Variants in LRRC7 observed in about 807,000 individuals in gnomAD.
The protein encoded by LRRC7 is leucine-rich repeat-containing protein 7.
A neutral mutation model predicts 175.7 loss-of-function variants in LRRC7; 23 were observed. That is an observed-to-expected ratio of 0.13 (90% CI 0.09 to 0.19). LRRC7 has a LOEUF of 0.19. LRRC7 is among the 10% of genes least tolerant of loss of function. LRRC7 has a pLI of 1.00. For synonymous variants in LRRC7, 685 were observed against 680.9 expected, an observed-to-expected ratio of 1.01 and a Z score of -0.09; for missense variants, 1,354 against 1,904.7, an observed-to-expected ratio of 0.71 and a Z score of 5.38.
intron 7 of LRRC7, among the ~76,000 whole-genome samples, chr1:69,903,990 T>C (rs1646217984): frequency 6.6e-6 from 1 of 151,860 alleles, no homozygotes; most frequent in South Asian, 2.1e-4. Context: ...AATAACAAGC[T>C]CTGAAATTGA....
At chr1:69,797,822 T>C (rs528150952) in intron 4 of LRRC7, among the ~76,000 whole-genome samples, 1 of 152,324 alleles carries the variant, frequency 6.6e-6, no homozygotes, top group Admixed American at 6.5e-5. Context: ...GTAGAGTTCC[T>C]AACACAGAAT....
At chr1:70,066,718 A>G (rs1451935192) in intron 23 of LRRC7, among the ~76,000 whole-genome samples, 1 of 152,088 alleles carries the variant, frequency 6.6e-6, no homozygotes, top group Non-Finnish European at 1.5e-5. Flanking sequence ...TGTGAACCTA[A>G]GTCTTCATAA....
At chr1:69,870,611 T>A (rs1464629413) in intron 7 of LRRC7, among the ~76,000 whole-genome samples, 1 of 152,170 alleles carries the variant, frequency 6.6e-6, no homozygotes, top group African/African-American at 2.4e-5. Context: ...TTTAAAGTTT[T>A]AATAAATGTA....
intron 1 of LRRC7, among the ~76,000 whole-genome samples, chr1:69,587,093 AG>A (rs1306304827): frequency 6.6e-6 from 1 of 152,204 alleles, no homozygotes; most frequent in Non-Finnish European, 1.5e-5. Flanking sequence ...GTATGCAAGT[AG>A]TAAAATGTGG....
In LRRC7 at chr1:69,875,305, C is replaced by T. The variant is rs575707161; in HGVS notation, c.647+37022C>T. The stretch of plus-strand genomic sequence containing the variant: ...AGTGTGCAGACTGTTGAATAATTAA[C>T]CTTACTGCAGTAAACCATGTTGCCT... On this transcript the variant is annotated intron_variant, in intron 7 of 26. Transcript: ENST00000651989. Among the ~76,000 whole-genome samples the T allele has an allele frequency of 9.2e-5, 14 of 152,074 alleles. No homozygotes were observed. In the South Asian group the frequency reaches 2.7e-3, roughly 29 times the overall value.
chr1:69,683,915 A>G (rs1660802550), intron 2 of LRRC7, among the ~76,000 whole-genome samples: 2 of 152,294 alleles, frequency 1.3e-5, no homozygotes, highest in South Asian at 2.1e-4. Context: ...TACAAAGGAA[A>G]GATGATGAAA....
chr1:69,696,713 G>A (rs772182972), intron 2 of LRRC7, among the ~76,000 whole-genome samples: 17 of 152,134 alleles, frequency 1.1e-4, no homozygotes, highest in Non-Finnish European at 2.2e-4. Flanking sequence ...GTGATAATGC[G>A]TGAGTTCCTG....
intron 8 of LRRC7, among the ~76,000 whole-genome samples, chr1:69,964,167 G>T (rs12032805): frequency 0.062 from 9,386 of 152,150 alleles, 282 homozygotes; most frequent in South Asian, 0.11. Context: ...CATTCGTTTG[G>T]TTTTTTATGC....
intron 2 of LRRC7, among the ~76,000 whole-genome samples, chr1:69,692,274 T>G (rs572675570): frequency 1.4e-4 from 22 of 152,314 alleles, no homozygotes; most frequent in African/African-American, 4.3e-4. Flanking sequence ...CCAGTATTTA[T>G]TAACTGGGTA....
intron 26 of LRRC7, 139 bp downstream of exon 26, chr1:70,107,965 C>A: frequency 1.3e-6 from 1 of 758,206 alleles, no homozygotes; most frequent in Non-Finnish European, 2.2e-6. Context: ...TATTTTGGGG[C>A]TGAAAGTCAA....
intron 7 of LRRC7, among the ~76,000 whole-genome samples, chr1:69,865,697 G>A (rs1684871851): frequency 6.6e-6 from 1 of 151,742 alleles, no homozygotes; most frequent in Non-Finnish European, 1.5e-5. Context: ...AGCCAGGATA[G>A]TCTTGATCTC....
At chr1:70,002,476 T>A (rs545318898) in intron 11 of LRRC7, among the ~76,000 whole-genome samples, 322 of 152,360 alleles carry the variant, frequency 2.1e-3, no homozygotes, top group East Asian at 4.8e-3. Flanking sequence ...AGTCTCATGT[T>A]TATCTTTTGT....
At chr1:69,846,820 G>A (rs1350940993) in intron 7 of LRRC7, among the ~76,000 whole-genome samples, 1 of 151,910 alleles carries the variant, frequency 6.6e-6, no homozygotes, top group Non-Finnish European at 1.5e-5. Flanking sequence ...CTGGGTGTGT[G>A]CAAGAAAAGA....
At chr1:70,057,584 G>T (rs1661247468) in intron 23 of LRRC7, among the ~76,000 whole-genome samples, 1 of 151,916 alleles carries the variant, frequency 6.6e-6, no homozygotes, top group Non-Finnish European at 1.5e-5. Flanking sequence ...ATTTCTCCAA[G>T]CCTCTGTAGA....
At chr1:69,874,965 G>T (rs924792946) in intron 7 of LRRC7, 4 of 151,942 alleles carry the variant, frequency 2.6e-5, no homozygotes, top group Non-Finnish European at 5.9e-5. Context: ...AAATTAAAAG[G>T]TATATTGCTA....
chr1:69,736,652 A>C (rs763601583), intron 2 of LRRC7, among the ~76,000 whole-genome samples: 1 of 152,102 alleles, frequency 6.6e-6, no homozygotes, highest in Non-Finnish European at 1.5e-5. Context: ...GAATAAATAC[A>C]GTTTTTATAG....
At chr1:69,698,018 C>T (rs1413458101) in intron 2 of LRRC7, among the ~76,000 whole-genome samples, 2 of 152,164 alleles carry the variant, frequency 1.3e-5, no homozygotes, top group East Asian at 3.9e-4. Context: ...GCCAATCAGA[C>T]AATTCCTTAA....
chr1:70,082,781 ATTTTTTTT>A lies in LRRC7; in HGVS notation c.4452+6507_4452+6514del, dbSNP rs1172403797. On this transcript the variant is annotated intron_variant, in intron 24 of 26. Coordinates refer to ENST00000651989, the MANE Select transcript of LRRC7 (RefSeq NM_001370785.2). ...TATTAGTCAATCTTGATACCAGTAC[ATTTTTTTT>A]TTTTTTTTTTTTTTTTTTTTTTTGA... Among the ~76,000 whole-genome samples, 36 of 52,304 alleles carry A rather than the reference ATTTTTTTT, an allele frequency of 6.9e-4. 5 individuals are homozygous for A. Among genetic ancestry groups the A allele is most frequent in the East Asian group, 5.0e-3 (7 of 1,408 alleles). The allele number at this position is 52,304 out of a possible 152,430, so 34.3% of individuals were successfully genotyped here. A position where few individuals can be genotyped will look rare whatever the true frequency, so the allele number is the denominator to read the frequency against.
At position 70,131,694 on chromosome 1, in the gene LRRC7, G is replaced by A. The variant is rs981338531; in HGVS notation, c.*9807G>A. ...GTCATAGTATATCTTGAAGGAAACA[G>A]CCACCATTGCTGTCTTTGATAGCAT... On this transcript the variant is annotated 3_prime_UTR_variant, in exon 27 of 27. Coordinates refer to ENST00000651989, the MANE Select transcript of LRRC7 (RefSeq NM_001370785.2). Among the ~76,000 whole-genome samples, 3 of 152,140 alleles carry A rather than the reference G, an allele frequency of 2.0e-5. No individual in the cohort carries two copies. The highest frequency in any genetic ancestry group is 4.4e-5 in the Non-Finnish European group (3 of 68,034).
Sources: gnomAD v4.1 joint callset for allele counts (sites outside exome capture counted in the v4.1 genomes callset) on GRCh38, gnomAD v4.1.1 for gene constraint, MANE v1.5 for transcripts, NCBI Gene and HGNC (gene_info 2026-07-23, HGNC 2026-07-21) for gene names.